FGGY: variants seen among roughly 807,000 people sequenced by gnomAD.
FGGY encodes FGGY carbohydrate kinase domain-containing protein.
A neutral mutation model predicts 71.3 loss-of-function variants in FGGY; 72 were observed. The observed-to-expected ratio is 1.01, with a 90% CI of 0.84 to 1.23. The LOEUF is 1.23. Ranked by LOEUF, FGGY falls within the 50% of genes most tolerant of loss-of-function variation. The probability of loss-of-function intolerance (pLI) is 0.00; values close to 1 mark genes in which losing one functional copy is unlikely to be tolerated. For missense variants in FGGY, 668 were observed against 682.3 expected, an observed-to-expected ratio of 0.98 and a Z score of 0.23; for synonymous variants, 251 against 250.3, an observed-to-expected ratio of 1.00 and a Z score of -0.02.
At chr1:59,636,567 G>A (rs1239406769) in intron 10 of FGGY, among the ~76,000 whole-genome samples, 1 of 152,146 alleles carries the variant, frequency 6.6e-6, no homozygotes, top group Non-Finnish European at 1.5e-5. Flanking sequence ...AGCTTGCAGT[G>A]AGCCGAGATC....
intron 1 of FGGY, among the ~76,000 whole-genome samples, chr1:59,299,997 A>G (rs1163370191): frequency 1.3e-5 from 2 of 152,100 alleles, no homozygotes; most frequent in African/African-American, 4.8e-5. Context: ...ACATACTGAC[A>G]TATTGATTCT....
chr1:59,634,395 G>T (rs1030266566), intron 10 of FGGY, among the ~76,000 whole-genome samples: 1 of 152,140 alleles, frequency 6.6e-6, no homozygotes, highest in Admixed American at 6.5e-5. Context: ...GACAGAGCAA[G>T]ACTCTGTCTG....
chr1:59,581,896 T>G (rs1300341559), intron 8 of FGGY, among the ~76,000 whole-genome samples: 1 of 149,970 alleles, frequency 6.7e-6, no homozygotes, highest in Non-Finnish European at 1.5e-5. Context: ...ACCGATATGT[T>G]TAGCTATCAA....
At chr1:59,558,053 A>G (rs2095719190) in intron 8 of FGGY, among the ~76,000 whole-genome samples, 1 of 152,108 alleles carries the variant, frequency 6.6e-6, no homozygotes, top group South Asian at 2.1e-4. Context: ...CCCACCACTT[A>G]CTGTGTGAAT....
At chr1:59,679,216 T>G (rs558895182) in intron 14 of FGGY, among the ~76,000 whole-genome samples, 2 of 152,342 alleles carry the variant, frequency 1.3e-5, no homozygotes, top group African/African-American at 2.4e-5. Flanking sequence ...TTAGGGCCAG[T>G]TATACTCATC....
chr1:59,358,799 C>T (rs2054842235), intron 4 of FGGY, among the ~76,000 whole-genome samples: 1 of 152,198 alleles, frequency 6.6e-6, no homozygotes, highest in Non-Finnish European at 1.5e-5. Flanking sequence ...ACATGGCCAA[C>T]ACCTGTACTA....
At chr1:59,492,439 T>G (rs2093895247) in intron 6 of FGGY, among the ~76,000 whole-genome samples, 1 of 152,182 alleles carries the variant, frequency 6.6e-6, no homozygotes, top group Non-Finnish European at 1.5e-5. Context: ...GGAAATCCTC[T>G]GCCAGTATTT....
In FGGY at chr1:59,581,287, G is replaced by A. The variant is rs1397534196; in HGVS notation, c.904-26516G>A. ...TTCCCTGAGACCATTTGCATGAGGGGAAATTTAATCAGGATCCCTAGTTGA... is the reference window on the plus strand; with the variant it reads ...TTCCCTGAGACCATTTGCATGAGGGAAAATTTAATCAGGATCCCTAGTTGA... On this transcript the variant is annotated intron_variant, in intron 8 of 15. Coordinates refer to ENST00000303721, the MANE Select transcript of FGGY (RefSeq NM_018291.5). 2.0e-5 allele frequency among the ~76,000 whole-genome samples: 3 copies of A among 149,876 alleles called. 1 individual carries two copies. Among genetic ancestry groups the A allele is most frequent in the African/African-American group, 5.1e-5 (2 of 39,574 alleles).
intron 14 of FGGY, among the ~76,000 whole-genome samples, chr1:59,712,147 G>A (rs1458791229): frequency 6.6e-6 from 1 of 152,134 alleles, no homozygotes; most frequent in South Asian, 2.1e-4. Flanking sequence ...AGGGTCTACA[G>A]GCCCCATGCA....
chr1:59,508,408 A>C (rs531358442), intron 6 of FGGY, among the ~76,000 whole-genome samples: 29 of 152,372 alleles, frequency 1.9e-4, no homozygotes, highest in African/African-American at 6.7e-4. Context: ...AAGCCTAGAA[A>C]GAACTGCAAA....
At chr1:59,633,009 T>A (rs2096922157) in intron 10 of FGGY, among the ~76,000 whole-genome samples, 1 of 151,462 alleles carries the variant, frequency 6.6e-6, no homozygotes, top group Non-Finnish European at 1.5e-5. Flanking sequence ...TTCTTTTTTT[T>A]TTTTTTTTTC....
intron 6 of FGGY, among the ~76,000 whole-genome samples, chr1:59,500,984 G>C (rs187334925): frequency 2.0e-5 from 3 of 152,140 alleles, no homozygotes; most frequent in Admixed American, 1.3e-4. Flanking sequence ...TGATAGAAAA[G>C]CCCCTGATGT....
intron 5 of FGGY, among the ~76,000 whole-genome samples, chr1:59,395,911 C>T (rs1264641134): frequency 6.6e-6 from 1 of 152,038 alleles, no homozygotes; most frequent in Non-Finnish European, 1.5e-5. Context: ...TGTTTGTTAA[C>T]TAATTATTAA....
intron 5 of FGGY, among the ~76,000 whole-genome samples, chr1:59,449,893 T>A (rs2072282814): frequency 6.6e-6 from 1 of 152,116 alleles, no homozygotes; most frequent in African/African-American, 2.4e-5. Flanking sequence ...TTCCTTAAGC[T>A]CAGGAGTTAA....
chr1:59,602,403 C>A (rs2096586905), intron 8 of FGGY, among the ~76,000 whole-genome samples: 1 of 152,110 alleles, frequency 6.6e-6, no homozygotes, highest in Non-Finnish European at 1.5e-5. Flanking sequence ...TTAGCAATGA[C>A]TATTTTATTA....
intron 6 of FGGY, among the ~76,000 whole-genome samples, chr1:59,508,649 T>G (rs2094450023): frequency 6.6e-6 from 1 of 152,198 alleles, no homozygotes; most frequent in South Asian, 2.1e-4. Context: ...TCATCCTCTC[T>G]CATGCCAAGC....
chr1:59,700,285 A>C (rs1394237109), intron 14 of FGGY, among the ~76,000 whole-genome samples: 1 of 152,186 alleles, frequency 6.6e-6, no homozygotes, highest in Non-Finnish European at 1.5e-5. Context: ...TATCTGTCAT[A>C]TCTCTCTGTA....
chr1:59,587,478 G>A (rs973438988), intron 8 of FGGY, among the ~76,000 whole-genome samples: 7 of 152,200 alleles, frequency 4.6e-5, no homozygotes, highest in African/African-American at 1.2e-4. Context: ...ATCTGAGAAC[G>A]GGCAGACTGC....
intron 5 of FGGY, among the ~76,000 whole-genome samples, chr1:59,450,225 G>A (rs72913784): frequency 0.045 from 6,866 of 151,764 alleles, 529 homozygotes; most frequent in African/African-American, 0.16. Flanking sequence ...TCTAATATGC[G>A]TCTTTCACTT....
Sources: allele counts gnomAD v4.1 joint callset (sites outside exome capture counted in the v4.1 genomes callset), GRCh38; gene constraint gnomAD v4.1.1; transcripts MANE v1.5; gene names NCBI Gene and HGNC (gene_info 2026-07-23, HGNC 2026-07-21).